The following RORA variants were observed in gnomAD, a reference collection of about 807,000 sequenced individuals.
RORA encodes the protein RAR related orphan receptor A.
RORA carries 7 observed loss-of-function variants against 69.5 expected under a neutral mutation model. The observed-to-expected ratio is 0.10, with a 90% CI of 0.06 to 0.19. The LOEUF is 0.19. Ranked by LOEUF, RORA falls within the 10% of genes least tolerant of loss-of-function variation. RORA has a pLI of 1.00. For synonymous variants in RORA, 261 were observed against 240.8 expected, an observed-to-expected ratio of 1.08 and a Z score of -0.78; for missense variants, 457 against 663.0, an observed-to-expected ratio of 0.69 and a Z score of 3.41.
At chr15:61,084,694 A>G (rs1384906154) in intron 1 of RORA, among the ~76,000 whole-genome samples, 1 of 152,192 alleles carries the variant, frequency 6.6e-6, no homozygotes, top group Non-Finnish European at 1.5e-5. Flanking sequence ...AGAGCAATGC[A>G]CAGAACCGGG....
At chr15:60,969,462 C>T (rs1181938307) in intron 1 of RORA, among the ~76,000 whole-genome samples, 2 of 152,120 alleles carry the variant, frequency 1.3e-5, no homozygotes, top group African/African-American at 4.8e-5. Context: ...GCTTAAGAAC[C>T]ACTTCTCTAG....
intron 1 of RORA, among the ~76,000 whole-genome samples, chr15:61,202,370 T>C (rs2079902874): frequency 6.6e-6 from 1 of 152,176 alleles, no homozygotes; most frequent in African/African-American, 2.4e-5. Context: ...GGTTTTTGGG[T>C]CCTTCTTCTA....
intron 1 of RORA, among the ~76,000 whole-genome samples, chr15:61,158,249 C>T (rs1168925828): frequency 6.6e-6 from 1 of 152,122 alleles, no homozygotes; most frequent in African/African-American, 2.4e-5. Context: ...CTCCAGACAG[C>T]GGGCAAATAT....
chr15:61,203,489 G>C (rs1370395068), intron 1 of RORA, among the ~76,000 whole-genome samples: 2 of 152,152 alleles, frequency 1.3e-5, no homozygotes, highest in Admixed American at 6.5e-5. Flanking sequence ...AGAGTAGATA[G>C]AATGAGTGAA....
In RORA at chr15:61,118,691, G is replaced by A. The variant is rs116701666; in HGVS notation, c.166+110362C>T. Among the ~76,000 whole-genome samples, 853 of 152,216 alleles carry A rather than the reference G, an allele frequency of 5.6e-3. 7 individuals carry two copies. The highest frequency in any genetic ancestry group is 0.019 in the African/African-American group (786 of 41,536). ...AGCCGGACGGCAATGGTGGGGGATC[G>A]CGTTTTCCTTCTGTGACACTCTCCT... On this transcript the variant is annotated intron_variant, in intron 1 of 10. Transcript: ENST00000335670.
intron 2 of RORA, among the ~76,000 whole-genome samples, chr15:60,536,427 C>T (rs2066681212): frequency 6.6e-6 from 1 of 152,168 alleles, no homozygotes; most frequent in East Asian, 1.9e-4. Context: ...GCTGCTTATC[C>T]TCCAAATAAC....
chr15:61,181,241 T>C (rs915774032), intron 1 of RORA: 4 of 152,054 alleles, frequency 2.6e-5, no homozygotes, highest in South Asian at 2.1e-4. Context: ...AAATCCAGCA[T>C]GTGTGTCTTA....
In RORA at chr15:61,218,530, C is replaced by T. The variant is rs1297415701; in HGVS notation, c.166+10523G>A. Among the ~76,000 whole-genome samples, 4 of 152,046 alleles carry T rather than the reference C, an allele frequency of 2.6e-5. No homozygotes were observed. The South Asian group carries it at 8.3e-4, about 32-fold the overall frequency. On this transcript the variant is annotated intron_variant, in intron 1 of 10. Transcript: ENST00000335670. ...TTATTTTTTCTAATTACAAAAGTAA[C>T]ATATACATAATGTAAGAACTTCAAA...
intron 1 of RORA, among the ~76,000 whole-genome samples, chr15:60,832,220 C>T (rs78206351): frequency 0.022 from 3,371 of 152,268 alleles, 40 homozygotes; most frequent in Non-Finnish European, 0.031. Flanking sequence ...AAGCACACAA[C>T]TTTCAGGTGG....
chr15:61,078,568 T>A (rs766449760), intron 1 of RORA, among the ~76,000 whole-genome samples: 1 of 152,190 alleles, frequency 6.6e-6, no homozygotes, highest in South Asian at 2.1e-4. Flanking sequence ...GATACTATTA[T>A]GATCCTTTCA....
chr15:60,504,232 G>A (rs775830495), intron 6 of RORA, among the ~76,000 whole-genome samples: 1 of 151,840 alleles, frequency 6.6e-6, no homozygotes. Context: ...TGACATCCTT[G>A]TTTTAATTCA....
intron 6 of RORA, among the ~76,000 whole-genome samples, chr15:60,504,478 C>T (rs11630465): frequency 0.51 from 77,859 of 151,890 alleles, 21,892 homozygotes; most frequent in East Asian, 0.83. Flanking sequence ...ACCCGGGAGG[C>T]GGAGGTTGCA....
At chr15:60,986,954 ATGTT>A (rs969301883) in intron 1 of RORA, among the ~76,000 whole-genome samples, 2 of 152,048 alleles carry the variant, frequency 1.3e-5, no homozygotes, top group African/African-American at 2.4e-5. Flanking sequence ...GTTTTTTCAT[ATGTT>A]TGTTTGTTCA....
chr15:60,633,663 C>T, intron 2 of RORA, among the ~76,000 whole-genome samples: 1 of 152,208 alleles, frequency 6.6e-6, no homozygotes, highest in Non-Finnish European at 1.5e-5. Flanking sequence ...TAGTTGGTAG[C>T]AGTGCTCAGA....
chr15:61,158,179 T>A (rs2079462333), intron 1 of RORA, among the ~76,000 whole-genome samples: 1 of 152,180 alleles, frequency 6.6e-6, no homozygotes, highest in Non-Finnish European at 1.5e-5. Flanking sequence ...GATGAGCAAT[T>A]CCATCCTGAC....
intron 2 of RORA, among the ~76,000 whole-genome samples, chr15:60,620,145 A>C (rs2069366011): frequency 1.3e-5 from 2 of 152,252 alleles, no homozygotes; most frequent in African/African-American, 4.8e-5. Flanking sequence ...ACTTCTTTGG[A>C]GTCCCAGGAT....
intron 1 of RORA, among the ~76,000 whole-genome samples, chr15:61,047,400 A>G (rs1034525555): frequency 3.3e-5 from 5 of 152,248 alleles, no homozygotes; most frequent in East Asian, 1.9e-4. Flanking sequence ...TTTCCTGAAG[A>G]GGAAAGCAAC....
chr15:60,758,879 A>T (rs1288396406), intron 1 of RORA, among the ~76,000 whole-genome samples: 1 of 152,204 alleles, frequency 6.6e-6, no homozygotes, highest in African/African-American at 2.4e-5. Context: ...TGAATTAAGA[A>T]TTCTGAAAGA....
chr15:60,913,324 C>A (rs1891782328), intron 1 of RORA, among the ~76,000 whole-genome samples: 1 of 152,214 alleles, frequency 6.6e-6, no homozygotes, highest in Non-Finnish European at 1.5e-5. Flanking sequence ...CCAGTTACAC[C>A]TCTGGTTTCT....
Sources: allele counts gnomAD v4.1 joint callset (sites outside exome capture counted in the v4.1 genomes callset), GRCh38; gene constraint gnomAD v4.1.1; transcripts MANE v1.5; gene names NCBI Gene and HGNC (gene_info 2026-07-23, HGNC 2026-07-21).